The following CRHR1 variants were observed in gnomAD, a reference collection of about 807,000 sequenced individuals.
CRHR1 encodes the protein corticotropin-releasing hormone receptor 1.
In CRHR1, 28 loss-of-function variants were observed where a neutral mutation model predicts 56.0. The observed-to-expected ratio is 0.50, with a 90% CI of 0.37 to 0.69. CRHR1 has a LOEUF of 0.69. Among genes scored for constraint, CRHR1 ranks in the 30% least tolerant of loss-of-function variants. The probability of loss-of-function intolerance (pLI) is 0.00; values close to 1 mark genes in which losing one functional copy is unlikely to be tolerated. For missense variants in CRHR1, 376 were observed against 548.0 expected (o/e 0.69, Z 3.13); for synonymous variants, 195 against 216.5 (o/e 0.90, Z 0.87).
chr17:45,814,162 C>T lies in CRHR1; in HGVS notation c.122-2301C>T, dbSNP rs149298646. Reference sequence around the variant, plus strand: ...GTGTGTTCCGTGTGTTCATTCCAGACGCTGCCACATGGAACATTACATTTG... The same window carrying T: ...GTGTGTTCCGTGTGTTCATTCCAGATGCTGCCACATGGAACATTACATTTG... On this transcript the variant is annotated intron_variant, in intron 2 of 12. Coordinates refer to ENST00000314537, the MANE Select transcript of CRHR1 (RefSeq NM_004382.5). Among the ~76,000 whole-genome samples the T allele has an allele frequency of 2.7e-3, 413 of 152,344 alleles. 3 individuals are homozygous for T. Among genetic ancestry groups the T allele is most frequent in the African/African-American group, 9.5e-3 (393 of 41,576 alleles).
chr17:45,785,936 G>A (rs983878796), intron 1 of CRHR1, among the ~76,000 whole-genome samples: 1 of 152,108 alleles, frequency 6.6e-6, no homozygotes, highest in African/African-American at 2.4e-5. Context: ...TATTTTCTGG[G>A]CGTTCGAGGA....
In CRHR1 at chr17:45,816,490, T is replaced by G. The variant is rs989104073; in HGVS notation, c.149T>G (p.Leu50Arg). ...CTGCAGTGCAACGCATCCGTGGACC[T>G]CATTGGCACCTGCTGGCCCCGCAGC... ...SGLQCNASVD[L>R]IGTCWPRSPA... Residue 50 changes from leucine to arginine, a missense_variant, in exon 3 of 13, where the codon CTC (leucine) becomes CGC (arginine). Physicochemically the swap from Leu to Arg is moderately radical, Grantham distance 102 (BLOSUM62 -2). Around this residue, in one of 2 missense-constraint regions of CRHR1, gnomAD observed 369 missense variants for 519.5 expected, o/e 0.71. Coordinates refer to ENST00000314537, the MANE Select transcript of CRHR1 (RefSeq NM_004382.5). 1.2e-6 allele frequency: 2 copies of G among 1,614,104 alleles called. No individual in the cohort carries two copies. The highest frequency in any genetic ancestry group is 1.7e-6 in the Non-Finnish European group (2 of 1,180,012).
At chr17:45,811,331 C>T (rs2061819905) in intron 2 of CRHR1, among the ~76,000 whole-genome samples, 1 of 152,210 alleles carries the variant, frequency 6.6e-6, no homozygotes, top group African/African-American at 2.4e-5. Context: ...TCTTCCCTGG[C>T]AGGTGGGAGC....
intron 1 of CRHR1, among the ~76,000 whole-genome samples, chr17:45,797,793 T>C (rs1046613395): frequency 6.6e-6 from 1 of 152,228 alleles, no homozygotes; most frequent in Non-Finnish European, 1.5e-5. Context: ...TCTACTCTCC[T>C]GTACATCCTG....
rs757559668 is a variant in CRHR1, at chr17:45,830,622, C to A, written c.709+52C>A. ...CTGGGCAGTGGCGGCCGCCGGGCTG[C>A]CCTCTCCTCCAGACTCAGGCCAGCG... On this transcript the variant is annotated intron_variant, in intron 7 of 12. Coordinates refer to ENST00000314537, the MANE Select transcript of CRHR1 (RefSeq NM_004382.5). 1.9e-6 allele frequency: 3 copies of A among 1,558,282 alleles called. No individual in the cohort carries two copies. The South Asian group carries it at 3.6e-5, about 19-fold the overall frequency.
intron 2 of CRHR1, among the ~76,000 whole-genome samples, chr17:45,813,649 G>T (rs1156579681): frequency 6.6e-6 from 1 of 152,234 alleles, no homozygotes; most frequent in Admixed American, 6.5e-5. Context: ...CAGCTGTGCA[G>T]CTGTGGGCAG....
intron 5 of CRHR1, chr17:45,829,747 G>A: frequency 8.1e-7 from 1 of 1,231,532 alleles, no homozygotes; most frequent in South Asian, 1.3e-5. Context: ...GAGGCTGGGA[G>A]CAGGGCTGAC....
Position 45,784,362 on chromosome 17 carries a change from G to T in CRHR1, c.-183G>T, listed in dbSNP as rs1472378459. 2.0e-5 allele frequency: 7 copies of T among 342,412 alleles called. No homozygotes were observed. 21.2% of individuals were successfully genotyped at this position (342,412 alleles called of 1,614,324 possible). ...CTTCCCCGGGAAGGGGCGAGCGAGA[G>T]CCGGGCCGGGCCGGGCCGGGCCGCG... On this transcript the variant is annotated 5_prime_UTR_variant, in exon 1 of 13. Coordinates refer to ENST00000314537, the MANE Select transcript of CRHR1 (RefSeq NM_004382.5). The surrounding 1 kb of genome is among the most constrained non-coding windows in gnomAD (Gnocchi z 4.2).
In CRHR1 at chr17:45,830,400, TG is replaced by T; in HGVS notation, c.556-12del. 6.3e-7 allele frequency: 1 copy of T among 1,597,122 alleles called. No homozygotes were observed. On this transcript the variant is annotated splice_polypyrimidine_tract_variant and intron_variant, in intron 6 of 12. Transcript: ENST00000314537. ...CCTGCCCCCCATCATCATCTCTGGTTGGGGGTGGGGTGGCAGGGCTGGTGCA... is the reference window on the plus strand; with the variant it reads ...CCTGCCCCCCATCATCATCTCTGGTTGGGGTGGGGTGGCAGGGCTGGTGCA...
intron 1 of CRHR1, among the ~76,000 whole-genome samples, chr17:45,804,314 T>A (rs965418328): frequency 6.6e-6 from 1 of 152,088 alleles, no homozygotes; most frequent in African/African-American, 2.4e-5. Flanking sequence ...GAGAGACCCC[T>A]ATGAGAGTAT....
chr17:45,824,734 A>G (rs1234534294), intron 4 of CRHR1, among the ~76,000 whole-genome samples: 3 of 152,192 alleles, frequency 2.0e-5, no homozygotes, highest in Non-Finnish European at 4.4e-5. Context: ...TGAGGAGGCA[A>G]CTTAACCTCA....
intron 2 of CRHR1, among the ~76,000 whole-genome samples, chr17:45,809,613 G>A (rs545142909): frequency 2.8e-4 from 42 of 152,384 alleles, no homozygotes; most frequent in African/African-American, 9.9e-4. Context: ...CTCTGATAAT[G>A]GGCCATTTGT....
At chr17:45,798,026 C>T (rs2061552757) in intron 1 of CRHR1, among the ~76,000 whole-genome samples, 1 of 152,020 alleles carries the variant, frequency 6.6e-6, no homozygotes, top group Admixed American at 6.6e-5. Flanking sequence ...GGAGAGGGAG[C>T]TCCTGCTGAG....
chr17:45,826,408 C>T (rs1413483876), intron 4 of CRHR1: 3 of 152,330 alleles, frequency 2.0e-5, no homozygotes, highest in Non-Finnish European at 4.4e-5. Context: ...ATCCCTCAGG[C>T]TGTCTCTCCA....
chr17:45,789,697 G>A (rs1352310184), intron 1 of CRHR1, among the ~76,000 whole-genome samples: 2 of 152,190 alleles, frequency 1.3e-5, no homozygotes, highest in African/African-American at 4.8e-5. Context: ...TAAAATGCTT[G>A]TCTTTGGACT....
chr17:45,798,665 G>T (rs2061565454), intron 1 of CRHR1, among the ~76,000 whole-genome samples: 1 of 151,884 alleles, frequency 6.6e-6, no homozygotes, highest in Non-Finnish European at 1.5e-5. Context: ...GCTGCCCTGG[G>T]GTGGGAGAGG....
intron 1 of CRHR1, among the ~76,000 whole-genome samples, chr17:45,797,693 G>A (rs1048378455): frequency 2.6e-5 from 4 of 152,064 alleles, no homozygotes; most frequent in Non-Finnish European, 5.9e-5. Context: ...GGAGAAGTTC[G>A]GTGATTCTCC....
rs768110046 is a variant in CRHR1 at position 45,833,472 on chromosome 17, C to G, written c.864C>G (p.Phe288Leu). 2 of 1,614,024 alleles carry G rather than the reference C, an allele frequency of 1.2e-6. No individual in the cohort carries two copies. Among genetic ancestry groups the G allele is most frequent in the Non-Finnish European group, 1.7e-6 (2 of 1,180,004 alleles). Residue 288 changes from phenylalanine to leucine, a missense_variant, in exon 10 of 13, where the codon TTC becomes TTG. Coordinates refer to ENST00000314537, the MANE Select transcript of CRHR1 (RefSeq NM_004382.5). ...TGCAGATCAATTTCATCTTCCTTTT[C>G]AACATCGTCCGCATCCTCATGACCA... Reference protein sequence around the residue: ...LVLLINFIFLFNIVRILMTKL... With the variant: ...LVLLINFIFLLNIVRILMTKL...
At chr17:45,798,493 T>C (rs545649690) in intron 1 of CRHR1, among the ~76,000 whole-genome samples, 159 of 139,314 alleles carry the variant, frequency 1.1e-3, no homozygotes, top group African/African-American at 3.9e-3. Context: ...GCCACTGCAC[T>C]CCAGCCTGGG....
Sources: gnomAD v4.1 joint callset for allele counts (sites outside exome capture counted in the v4.1 genomes callset) on GRCh38, gnomAD v4.1.1 for gene constraint, gnomAD v4.1.1 regional missense constraint, Gnocchi (gnomAD v3.1) non-coding constraint, MANE v1.5 for transcripts, NCBI Gene and HGNC (gene_info 2026-07-23, HGNC 2026-07-21) for gene names.